PLPBP: variants seen among roughly 807,000 people sequenced by gnomAD.
PLPBP encodes pyridoxal phosphate homeostasis protein.
PLPBP carries 21 observed loss-of-function variants against 31.2 expected under a neutral mutation model. That is an observed-to-expected ratio of 0.67 (90% CI 0.48 to 0.97). The LOEUF is 0.97. Among genes scored for constraint, PLPBP ranks in the 50% least tolerant of loss-of-function variants. The probability of loss-of-function intolerance (pLI) is 0.00; values close to 1 mark genes in which losing one functional copy is unlikely to be tolerated. For missense variants in PLPBP, 308 were observed against 354.4 expected, an observed-to-expected ratio of 0.87 and a Z score of 1.05; for synonymous variants, 124 against 135.6, an observed-to-expected ratio of 0.91 and a Z score of 0.59.
rs368217641 is a variant in PLPBP, at chr8:37,765,549, G to A, written c.123G>A (p.Arg41=). The A allele has an allele frequency of 2.5e-6, 4 of 1,613,810 alleles. No individual in the cohort carries two copies. The highest frequency in any genetic ancestry group is 1.3e-5 in the African/African-American group (1 of 74,922). ...RPRDLPAIQP[R]LVAVSKTKPA... ...AGGATCTCCCAGCCATCCAGCCCCG[G>A]CTAGTGGCGGTCAGCAAAACCAAAC... is the stretch of plus-strand genomic sequence containing the variant. Residue 41 remains arginine (R), a synonymous_variant, in exon 2 of 8, where the codon CGG becomes CGA. Coordinates refer to ENST00000328195, the MANE Select transcript of PLPBP (RefSeq NM_007198.4).
intron 7 of PLPBP, among the ~76,000 whole-genome samples, chr8:37,776,798 G>A (rs989308042): frequency 5.3e-5 from 8 of 151,892 alleles, no homozygotes; most frequent in East Asian, 1.9e-4. Flanking sequence ...ACTGAGTCTC[G>A]CTCTATTGCC....
At chr8:37,775,224 A>G in intron 5 of PLPBP, 115 bp from the exon 6 acceptor site, 3 of 1,251,168 alleles carry the variant, frequency 2.4e-6, no homozygotes, top group Non-Finnish European at 2.3e-6. Context: ...AGGCTCTTTC[A>G]AGAGGTTCTC....
Position 37,772,779 on chromosome 8 carries a change from A to C in PLPBP, c.344A>C (p.Glu115Ala), listed in dbSNP as rs1169241255. The change falls in exon 5 of 8, where the codon GAA becomes GCA. Residue 115 changes from glutamate to alanine, a missense_variant. Around this residue, in one of 2 missense-constraint regions of PLPBP, gnomAD observed 188 missense variants for 259.3 expected, o/e 0.73. Coordinates refer to ENST00000328195, the MANE Select transcript of PLPBP (RefSeq NM_007198.4). Reference sequence around the variant, plus strand: ...GCTGTCCCCAATCTCTTCATGCTGGAAACAGTGGATTCTGTGAAGTTGGCA... The same window carrying C: ...GCTGTCCCCAATCTCTTCATGCTGGCAACAGTGGATTCTGTGAAGTTGGCA... Reference protein sequence around the residue: ...LMAVPNLFMLETVDSVKLADK... With the variant: ...LMAVPNLFMLATVDSVKLADK... 1 of 1,614,088 alleles carries C rather than the reference A, an allele frequency of 6.2e-7. No homozygotes were observed. Among genetic ancestry groups the C allele is most frequent in the Non-Finnish European group, 8.5e-7 (1 of 1,180,032 alleles).
rs372833357 is a variant in PLPBP at position 37,778,898 on chromosome 8, C to T, written c.*794C>T. On this transcript the variant is annotated 3_prime_UTR_variant, in exon 8 of 8. Coordinates refer to ENST00000328195, the MANE Select transcript of PLPBP (RefSeq NM_007198.4). ...TTGAGGCTGCAGTGAGCTATGATTG[C>T]ACCACTGTACTCCTGCCTTAAAAAA... 1 of 151,036 alleles carries T rather than the reference C, an allele frequency of 6.6e-6. No homozygotes were observed. The highest frequency in any genetic ancestry group is 2.4e-5 in the African/African-American group (1 of 40,986). 9.4% of individuals were successfully genotyped at this position (151,036 alleles called of 1,614,324 possible).
At chr8:37,767,046 C>CAAAAAAAA (rs377103424) in intron 4 of PLPBP, among the ~76,000 whole-genome samples, 9 of 57,104 alleles carry the variant, frequency 1.6e-4, no homozygotes, top group African/African-American at 2.8e-4. Flanking sequence ...GACTTCATCC[C>CAAAAAAAA]AAAAAAAAAA....
At position 37,771,819 on chromosome 8, in the gene PLPBP, G is replaced by A. The variant is rs150757899; in HGVS notation, c.320-936G>A. On this transcript the variant is annotated intron_variant, in intron 4 of 7. Coordinates refer to ENST00000328195, the MANE Select transcript of PLPBP (RefSeq NM_007198.4). ...TACCAACAATACAAAAATTAGTGAG[G>A]TGTAGTGGTGGGTGCCTGTAATCTC... Among the ~76,000 whole-genome samples the A allele has an allele frequency of 2.7e-3, 412 of 152,260 alleles. 3 individuals carry two copies. The highest frequency in any genetic ancestry group is 9.6e-3 in the African/African-American group (399 of 41,572).
intron 7 of PLPBP, among the ~76,000 whole-genome samples, chr8:37,776,499 A>C (rs1473831211): frequency 1.3e-5 from 2 of 150,690 alleles, no homozygotes; most frequent in Non-Finnish European, 3.0e-5. Flanking sequence ...AAAAAAAAAA[A>C]AAAACAAAAG....
chr8:37,772,982 G>T, intron 5 of PLPBP, 93 bp downstream of exon 5: 1 of 1,504,290 alleles, frequency 6.6e-7, no homozygotes, highest in East Asian at 2.3e-5. Flanking sequence ...GATGGATAAG[G>T]TTATAGAAAC....
At chr8:37,764,603 G>A (rs1361195918) in intron 1 of PLPBP, among the ~76,000 whole-genome samples, 1 of 152,228 alleles carries the variant, frequency 6.6e-6, no homozygotes, top group Non-Finnish European at 1.5e-5. Flanking sequence ...TTACAGGCGT[G>A]TGGCTCACCT....
chr8:37,777,569 T>C (rs1803945356), intron 7 of PLPBP, among the ~76,000 whole-genome samples: 1 of 151,376 alleles, frequency 6.6e-6, no homozygotes, highest in Non-Finnish European at 1.5e-5. Flanking sequence ...AGGCTCTGTT[T>C]TTGTTTTTTT....
rs1486993537 is a variant in PLPBP, at chr8:37,779,674, AGT to A, written c.*1574_*1575del. The A allele has an allele frequency of 6.5e-6, 1 of 152,710 alleles. No individual in the cohort carries two copies. Among genetic ancestry groups the A allele is most frequent in the Non-Finnish European group, 1.5e-5 (1 of 68,050 alleles). 9.5% of individuals were successfully genotyped at this position (152,710 alleles called of 1,614,324 possible). On this transcript the variant is annotated 3_prime_UTR_variant, in exon 8 of 8. Coordinates refer to ENST00000328195, the MANE Select transcript of PLPBP (RefSeq NM_007198.4). Reference sequence around the variant, plus strand: ...CCTGTATTATTTCAGTGAGAGCTACAGTGTGATATTTCAGAGTCTATTAAATA... The same window carrying A: ...CCTGTATTATTTCAGTGAGAGCTACAGTGATATTTCAGAGTCTATTAAATA...
chr8:37,765,639 A>G lies in PLPBP; in HGVS notation c.207+6A>G. 1 of 1,614,204 alleles carries G rather than the reference A, an allele frequency of 6.2e-7. No individual in the cohort carries two copies. Among genetic ancestry groups the G allele is most frequent in the Non-Finnish European group, 8.5e-7 (1 of 1,180,032 alleles). ...GCACTTTTGGCGAGAACTACGTAAGAGCCCTTTCCTGAAGCCCTTTGGAAG... is the reference window on the plus strand; with the variant it reads ...GCACTTTTGGCGAGAACTACGTAAGGGCCCTTTCCTGAAGCCCTTTGGAAG... On this transcript the variant is annotated splice_donor_region_variant and intron_variant, in intron 2 of 7. Coordinates refer to ENST00000328195, the MANE Select transcript of PLPBP (RefSeq NM_007198.4).
chr8:37,775,104 A>G (rs1803866633), intron 5 of PLPBP: 1 of 360,140 alleles, frequency 2.8e-6, no homozygotes, highest in Non-Finnish European at 4.9e-6. Context: ...AAATCCTGAG[A>G]TGGAGGAAAG....
At chr8:37,768,407 A>G (rs149700697) in intron 4 of PLPBP, among the ~76,000 whole-genome samples, 1 of 152,146 alleles carries the variant, frequency 6.6e-6, no homozygotes, top group East Asian at 1.9e-4. Context: ...TAAGTCAACA[A>G]AGGAGATATA....
At position 37,765,600 on chromosome 8, in the gene PLPBP, T is replaced by C. The variant is rs770316905; in HGVS notation, c.174T>C (p.Tyr58=). ...CTGCAGACATGGTGATCGAGGCCTA[T>C]GGACATGGGCAGCGCACTTTTGGCG... ...TKPADMVIEA[Y]GHGQRTFGEN... is the part of the protein sequence containing the mutation. The change falls in exon 2 of 8, where the codon TAT becomes TAC. Residue 58 remains tyrosine, a synonymous_variant. Transcript: ENST00000328195. The C allele has an allele frequency of 2.0e-5, 33 of 1,614,108 alleles. No individual in the cohort carries two copies. Among genetic ancestry groups the C allele is most frequent in the East Asian group, 6.7e-5 (3 of 44,906 alleles).
intron 4 of PLPBP, among the ~76,000 whole-genome samples, chr8:37,770,980 T>C (rs897028941): frequency 2.0e-5 from 3 of 152,188 alleles, no homozygotes; most frequent in African/African-American, 7.2e-5. Context: ...TAGTGCCATT[T>C]TCCCTTCTGG....
At chr8:37,770,139 G>A (rs1000431946) in intron 4 of PLPBP, among the ~76,000 whole-genome samples, 4 of 152,160 alleles carry the variant, frequency 2.6e-5, no homozygotes, top group Non-Finnish European at 5.9e-5. Flanking sequence ...GAAAAACACA[G>A]TCCTGAAATT....
Position 37,766,348 on chromosome 8 carries a change from A to T in PLPBP, c.312A>T (p.Lys104Asn). 6.2e-7 allele frequency: 1 copy of T among 1,604,854 alleles called. No homozygotes were observed. Among genetic ancestry groups the T allele is most frequent in the Non-Finnish European group, 8.5e-7 (1 of 1,173,784 alleles). The change falls in exon 4 of 8, where the codon AAA becomes AAT. Residue 104 changes from lysine to asparagine, a missense_variant. This residue lies in a region of PLPBP where 188 missense variants were observed against 259.3 expected (regional missense o/e 0.73). Coordinates refer to ENST00000328195, the MANE Select transcript of PLPBP (RefSeq NM_007198.4). ...ACCTACAGAAACAAAATGTCAACAA[A>T]TTGATGGGTAAGATAAAATTAAATA... The part of the protein sequence containing the change: ...IGHLQKQNVN[K>N]LMAVPNLFML...
chr8:37,762,615 C>T, upstream of PLPBP: 8 of 1,539,400 alleles, frequency 5.2e-6, no homozygotes, highest in Non-Finnish European at 6.1e-6. Context: ...ATGGTGTGAG[C>T]CACGGGCTGC....
Sources: gnomAD v4.1 joint callset for allele counts (sites outside exome capture counted in the v4.1 genomes callset) on GRCh38, gnomAD v4.1.1 for gene constraint, gnomAD v4.1.1 regional missense constraint, MANE v1.5 for transcripts, NCBI Gene and HGNC (gene_info 2026-07-23, HGNC 2026-07-21) for gene names.